SUPT5H: variants seen among roughly 807,000 people sequenced by gnomAD.
SUPT5H encodes SPT5 homolog, DSIF elongation factor subunit.
In SUPT5H, 24 loss-of-function variants were observed where a neutral mutation model predicts 142.5. The observed-to-expected ratio is 0.17, with a 90% confidence interval of 0.12 to 0.24. The LOEUF (loss-of-function observed/expected upper bound fraction) is 0.24. Among genes scored for constraint, SUPT5H ranks in the 10% least tolerant of loss-of-function variants. The pLI is 1.00. For synonymous variants in SUPT5H, 546 were observed against 553.0 expected (o/e 0.99, Z 0.18); for missense variants, 893 against 1,471.8 (o/e 0.61, Z 6.43).
At position 39,466,594 on chromosome 19, in the gene SUPT5H, G is replaced by C. The variant is rs368620858; in HGVS notation, c.966+25G>C. 1.2e-3 allele frequency: 1,337 copies of C among 1,120,866 alleles called. 3 individuals are homozygous for C. The highest frequency in any genetic ancestry group is 2.0e-3 in the East Asian group (72 of 36,770). 69.4% of individuals were successfully genotyped at this position (1,120,866 alleles called of 1,614,324 possible). A position where few individuals can be genotyped will look rare whatever the true frequency, so the allele number is the denominator to read the frequency against. On this transcript the variant is annotated intron_variant, in intron 12 of 29. Coordinates refer to ENST00000432763, the MANE Select transcript of SUPT5H (RefSeq NM_001111020.3). The surrounding 1 kb of genome is among the most constrained non-coding windows in gnomAD (Gnocchi z 4.3). ...GGTACTCAGGGGAATCTGTGGCCTGGGGGGGAGGGAGTGTGCTCGATCCCA... is the reference window on the plus strand; with the variant it reads ...GGTACTCAGGGGAATCTGTGGCCTGCGGGGGAGGGAGTGTGCTCGATCCCA...
At position 39,470,213 on chromosome 19, in the gene SUPT5H, GC is replaced by G; in HGVS notation, c.1471del (p.Leu491SerfsTer21). ...GCTGGCCGATTCGAGGGCGACACAG[GC>G]CTCATTGTGCGGGTGGAGGAGAATT... ...VIAGRFEGDT[G>X]LIVRVEENFV... On this transcript the variant is annotated frameshift_variant, in exon 17 of 30. Transcript: ENST00000432763. LOFTEE classifies it high-confidence loss of function. The surrounding 1 kb of genome is among the most constrained non-coding windows in gnomAD (Gnocchi z 5.8). 1 of 1,605,698 alleles carries G rather than the reference GC, an allele frequency of 6.2e-7. No homozygotes were observed. Among genetic ancestry groups the G allele is most frequent in the Admixed American group, 1.7e-5 (1 of 59,458 alleles).
rs73551829 is a variant in SUPT5H, at chr19:39,472,744, G to A, written c.2036-66G>A. On this transcript the variant is annotated intron_variant, in intron 21 of 29. Transcript: ENST00000432763. The surrounding 1 kb of genome is among the most constrained non-coding windows in gnomAD (Gnocchi z 4.2). ...GAGGAGTCAAGCAAGTGAAGGGGACGTTCTGATGGTGCCCTTGCTGTGGGC... is the reference window on the plus strand; with the variant it reads ...GAGGAGTCAAGCAAGTGAAGGGGACATTCTGATGGTGCCCTTGCTGTGGGC... The A allele has an allele frequency of 2.2e-3, 3,373 of 1,555,744 alleles. 62 individuals are homozygous for A. The African/African-American group carries it at 0.041, about 19-fold the overall frequency.
chr19:39,473,085 C>T lies in SUPT5H; in HGVS notation c.2229C>T (p.Ile743=). 1.2e-6 allele frequency: 2 copies of T among 1,613,730 alleles called. No individual in the cohort carries two copies. Among genetic ancestry groups the T allele is most frequent in the Non-Finnish European group, 1.7e-6 (2 of 1,179,896 alleles). Residue 743 remains isoleucine (I), a synonymous_variant, in exon 23 of 30, where the codon ATC becomes ATT. Coordinates refer to ENST00000432763, the MANE Select transcript of SUPT5H (RefSeq NM_001111020.3). This position sits in a 1 kb window ranked among gnomAD's most constrained non-coding sequence, Gnocchi z 5.8. ...RVELHSTCQT[I]SVDRQRLTTV... ...AGCTGCACTCCACCTGCCAGACCAT[C>T]TCTGTGGACCGTCAGCGGCTCACCA... is the stretch of plus-strand genomic sequence containing the variant.
chr19:39,452,215 A>G (rs2079030639), intron 2 of SUPT5H, among the ~76,000 whole-genome samples: 1 of 152,194 alleles, frequency 6.6e-6, no homozygotes, highest in Admixed American at 6.5e-5. Flanking sequence ...AAGGGCTCAG[A>G]GGCCATCTAG....
intron 3 of SUPT5H, among the ~76,000 whole-genome samples, chr19:39,456,201 G>T (rs1307938572): frequency 1.3e-5 from 2 of 151,392 alleles, no homozygotes; most frequent in Admixed American, 6.6e-5. Context: ...ATAAGCATGA[G>T]CCATTGTGCC....
At chr19:39,456,443 G>T (rs2079091544) in intron 3 of SUPT5H, among the ~76,000 whole-genome samples, 1 of 149,896 alleles carries the variant, frequency 6.7e-6, no homozygotes, top group South Asian at 2.1e-4. Context: ...TTTTGAGACG[G>T]AGTTTCCCTC....
intron 2 of SUPT5H, among the ~76,000 whole-genome samples, chr19:39,449,403 C>T (rs994742904): frequency 1.6e-4 from 25 of 152,136 alleles, no homozygotes; most frequent in African/African-American, 6.0e-4. Flanking sequence ...TGTGCTTCAT[C>T]GTGGGCTAGT....
intron 10 of SUPT5H, among the ~76,000 whole-genome samples, chr19:39,464,340 C>T (rs1240768625): frequency 6.6e-6 from 1 of 151,792 alleles, no homozygotes; most frequent in Admixed American, 6.6e-5. Flanking sequence ...TTAGTACATA[C>T]AGGTTAATCT....
intron 3 of SUPT5H, among the ~76,000 whole-genome samples, chr19:39,455,144 G>T (rs2079070946): frequency 6.6e-6 from 1 of 152,194 alleles, no homozygotes. Context: ...AATGTTTATT[G>T]ATGATTAGGG....
rs761617570 is a variant in SUPT5H at position 39,469,211 on chromosome 19, G to A, written c.1237+39G>A. 6.2e-7 allele frequency: 1 copy of A among 1,614,196 alleles called. No individual in the cohort carries two copies. The highest frequency in any genetic ancestry group is 8.5e-7 in the Non-Finnish European group (1 of 1,180,018). On this transcript the variant is annotated intron_variant, in intron 15 of 29. Transcript: ENST00000432763. The surrounding 1 kb of genome is among the most constrained non-coding windows in gnomAD (Gnocchi z 5.1). The stretch of plus-strand genomic sequence containing the variant: ...CTCTATAACCTGGGCCAAGGAGCAG[G>A]GGCGGCCCATGGTGGCAACCCCCGA...
Position 39,458,445 on chromosome 19 carries a change from G to C in SUPT5H, c.319+140G>C. 1 of 1,455,404 alleles carries C rather than the reference G, an allele frequency of 6.9e-7. No homozygotes were observed. The highest frequency in any genetic ancestry group is 9.3e-7 in the Non-Finnish European group (1 of 1,077,792). 90.2% of individuals were successfully genotyped at this position (1,455,404 alleles called of 1,614,324 possible). A position where few individuals can be genotyped will look rare whatever the true frequency, so the allele number is the denominator to read the frequency against. On this transcript the variant is annotated intron_variant, in intron 5 of 29. Transcript: ENST00000432763. This position sits in a 1 kb window ranked among gnomAD's most constrained non-coding sequence, Gnocchi z 4.2. ...AGGGCTCTGACCCATGTAGGATCCA[G>C]AGTCAGGGAGTTCTGGGGCCAGGTA... is the stretch of plus-strand genomic sequence containing the variant.
chr19:39,460,588 C>T (rs1179732691), intron 10 of SUPT5H, among the ~76,000 whole-genome samples: 1 of 151,796 alleles, frequency 6.6e-6, no homozygotes, highest in Non-Finnish European at 1.5e-5. Flanking sequence ...AAATACAAAA[C>T]TCAGCTGGGC....
At chr19:39,449,650 T>G (rs1458249882) in intron 2 of SUPT5H, among the ~76,000 whole-genome samples, 1 of 151,532 alleles carries the variant, frequency 6.6e-6, no homozygotes, top group Non-Finnish European at 1.5e-5. Flanking sequence ...TAGTTTGGTT[T>G]TTTTTTTTTG....
chr19:39,469,208 CA>C lies in SUPT5H; in HGVS notation c.1237+37del. ...CCCCTCTATAACCTGGGCCAAGGAG[CA>C]GGGGCGGCCCATGGTGGCAACCCCC... On this transcript the variant is annotated intron_variant, in intron 15 of 29. Transcript: ENST00000432763. This position sits in a 1 kb window ranked among gnomAD's most constrained non-coding sequence, Gnocchi z 5.1. 1 of 1,614,224 alleles carries C rather than the reference CA, an allele frequency of 6.2e-7. No homozygotes were observed. Among genetic ancestry groups the C allele is most frequent in the African/African-American group, 1.3e-5 (1 of 75,066 alleles).
chr19:39,464,404 G>C (rs750764683), intron 10 of SUPT5H, among the ~76,000 whole-genome samples: 1 of 151,842 alleles, frequency 6.6e-6, no homozygotes, highest in Non-Finnish European at 1.5e-5. Flanking sequence ...CTGTTGCCCA[G>C]GCTGGAGTGC....
rs564243939 is a variant in SUPT5H at position 39,473,294 on chromosome 19, A to G, written c.2350A>G (p.Thr784Ala). 7 of 1,613,918 alleles carry G rather than the reference A, an allele frequency of 4.3e-6. No individual in the cohort carries two copies. The highest frequency in any genetic ancestry group is 1.7e-5 in the Admixed American group (1 of 60,020). ...GCCCATGTATGGCTCTGGCTCCCGA[A>G]CACCCATGTACGGCTCACAGACACC... ...QTPMYGSGSR[T>A]PMYGSQTPLQ... The change falls in exon 24 of 30, where the codon ACA (threonine) becomes GCA (alanine). Residue 784 changes from threonine (T) to alanine (A), a missense_variant. By Grantham distance (58) the Thr-to-Ala change is moderately conservative (BLOSUM62 0). Around this residue, in one of 6 missense-constraint regions of SUPT5H, gnomAD observed 336 missense variants for 546.5 expected, o/e 0.61. Coordinates refer to ENST00000432763, the MANE Select transcript of SUPT5H (RefSeq NM_001111020.3). The surrounding 1 kb of genome is among the most constrained non-coding windows in gnomAD (Gnocchi z 5.8).
At chr19:39,459,320 G>A in intron 8 of SUPT5H, 71 bp downstream of exon 8, 1 of 1,526,904 alleles carries the variant, frequency 6.5e-7, no homozygotes, top group Non-Finnish European at 8.9e-7. Flanking sequence ...GCCTAGACAG[G>A]TGGCTCCCTG....
intron 2 of SUPT5H, among the ~76,000 whole-genome samples, chr19:39,450,114 T>C (rs1047818371): frequency 1.3e-5 from 2 of 152,002 alleles, no homozygotes; most frequent in East Asian, 3.9e-4. Context: ...AAGTTTTGTA[T>C]TTTTGGTAGA....
intron 2 of SUPT5H, among the ~76,000 whole-genome samples, chr19:39,449,159 A>C (rs1269254749): frequency 6.6e-6 from 1 of 151,940 alleles, no homozygotes; most frequent in Non-Finnish European, 1.5e-5. Context: ...CCTTACAGAG[A>C]TCTCAGTCTC....
Sources: allele counts gnomAD v4.1 joint callset (sites outside exome capture counted in the v4.1 genomes callset), GRCh38; gene constraint gnomAD v4.1.1; regional missense constraint gnomAD v4.1.1; non-coding constraint Gnocchi (gnomAD v3.1); transcripts MANE v1.5; gene names NCBI Gene and HGNC (gene_info 2026-07-23, HGNC 2026-07-21).